RIT2: variants seen among roughly 807,000 people sequenced by gnomAD.
RIT2 encodes the protein Ras like without CAAX 2, also known as GTP-binding protein Rit2.
RIT2 carries 24 observed loss-of-function variants against 23.7 expected under a neutral mutation model. The observed-to-expected ratio is 1.01, with a 90% confidence interval of 0.73 to 1.43. The LOEUF (loss-of-function observed/expected upper bound fraction) is 1.43, where lower values mean the gene tolerates loss of function less well. RIT2 is among the 40% of genes most tolerant of loss of function. The pLI, the probability that RIT2 is intolerant of heterozygous loss-of-function variation, is 0.00. For synonymous variants in RIT2, 107 were observed against 91.1 expected, an observed-to-expected ratio of 1.17 and a Z score of -0.99; for missense variants, 236 against 266.9, an observed-to-expected ratio of 0.88 and a Z score of 0.81.
At chr18:43,074,337 AT>A in intron 1 of RIT2, among the ~76,000 whole-genome samples, 1 of 152,320 alleles carries the variant, frequency 6.6e-6, no homozygotes, top group Middle Eastern at 3.4e-3. Context: ...GTGTTTATAC[AT>A]ACGTGTATGT....
intron 4 of RIT2, among the ~76,000 whole-genome samples, chr18:42,868,637 T>C (rs1449141592): frequency 6.6e-6 from 1 of 152,218 alleles, no homozygotes; most frequent in East Asian, 1.9e-4. Flanking sequence ...TGCTCAACTA[T>C]ATGGAGGTGG....
chr18:42,748,769 G>A (rs1428270540), intron 4 of RIT2, among the ~76,000 whole-genome samples: 2 of 151,958 alleles, frequency 1.3e-5, no homozygotes, highest in Non-Finnish European at 2.9e-5. Flanking sequence ...CAGGGGAAAG[G>A]GAGGTAGGTG....
intron 4 of RIT2, among the ~76,000 whole-genome samples, chr18:42,782,357 C>A (rs1364338238): frequency 6.6e-6 from 1 of 151,978 alleles, no homozygotes; most frequent in Non-Finnish European, 1.5e-5. Flanking sequence ...AATTGTTACA[C>A]CATATAACAG....
At chr18:42,902,446 G>A (rs1271862191) in intron 4 of RIT2, among the ~76,000 whole-genome samples, 1 of 151,550 alleles carries the variant, frequency 6.6e-6, no homozygotes, top group African/African-American at 2.4e-5. Context: ...AAGTTACTGA[G>A]GATGTTCTGT....
rs11082300 is a variant in RIT2, at chr18:42,817,746, A to T, written c.427-74026T>A. On this transcript the variant is annotated intron_variant, in intron 4 of 4. Transcript: ENST00000326695. Reference sequence around the variant, plus strand: ...ATAATTGTGCAACCTAAGACAAACCACATAACTTTTCTGTGCCTCAATTTC... The same window carrying T: ...ATAATTGTGCAACCTAAGACAAACCTCATAACTTTTCTGTGCCTCAATTTC... Among the ~76,000 whole-genome samples, 4 of 151,864 alleles carry T rather than the reference A, an allele frequency of 2.6e-5. No individual in the cohort carries two copies. The South Asian group carries it at 8.3e-4, about 32-fold the overall frequency.
At chr18:42,949,172 C>G (rs1437939004) in intron 3 of RIT2, 11 of 394,374 alleles carry the variant, frequency 2.8e-5, no homozygotes, top group Non-Finnish European at 4.5e-5. Flanking sequence ...CACATATCTT[C>G]CTGCTCCAAA....
At chr18:43,044,781 C>T (rs1408571181) in intron 1 of RIT2, among the ~76,000 whole-genome samples, 1 of 152,226 alleles carries the variant, frequency 6.6e-6, no homozygotes, top group South Asian at 2.1e-4. Flanking sequence ...AGAGCAGCAC[C>T]TTTTGCAATT....
At chr18:42,900,639 AT>A (rs1464923538) in intron 4 of RIT2, among the ~76,000 whole-genome samples, 1 of 152,072 alleles carries the variant, frequency 6.6e-6, no homozygotes, top group South Asian at 2.1e-4. Flanking sequence ...TTAAAAAAAA[AT>A]GTACCCTTAA....
At chr18:42,929,283 C>A (rs1382379004) in intron 3 of RIT2, among the ~76,000 whole-genome samples, 1 of 151,890 alleles carries the variant, frequency 6.6e-6, no homozygotes, top group Non-Finnish European at 1.5e-5. Flanking sequence ...AGATAGCAGA[C>A]AACATCCCCA....
At position 42,857,118 on chromosome 18, in the gene RIT2, C is replaced by T. The variant is rs192779132; in HGVS notation, c.426+66454G>A. On this transcript the variant is annotated intron_variant, in intron 4 of 4. Coordinates refer to ENST00000326695, the MANE Select transcript of RIT2 (RefSeq NM_002930.4). ...TACTGGCGTGAGCCAGCAGGCCCGG[C>T]CAAGACGTTTTTAATTATCCAACTA... is the stretch of plus-strand genomic sequence containing the variant. Among the ~76,000 whole-genome samples, 199 of 127,458 alleles carry T rather than the reference C, an allele frequency of 1.6e-3. 1 individual carries two copies. The highest frequency in any genetic ancestry group is 3.8e-3 in the Middle Eastern group (1 of 262). The allele number at this position is 127,458 out of a possible 152,430, so 83.6% of individuals were successfully genotyped here.
intron 4 of RIT2, among the ~76,000 whole-genome samples, chr18:42,812,978 G>A (rs1905894079): frequency 6.6e-6 from 1 of 152,094 alleles, no homozygotes; most frequent in Non-Finnish European, 1.5e-5. Context: ...ACCATATTCT[G>A]TTTTATTTGT....
intron 1 of RIT2, among the ~76,000 whole-genome samples, chr18:43,056,567 G>T (rs1912507125): frequency 6.6e-6 from 1 of 152,100 alleles, no homozygotes; most frequent in Non-Finnish European, 1.5e-5. Context: ...AGTGTAAGTG[G>T]CGGCACTTAT....
intron 4 of RIT2, among the ~76,000 whole-genome samples, chr18:42,856,805 T>C (rs1268779690): frequency 2.0e-5 from 3 of 151,408 alleles, no homozygotes; most frequent in Non-Finnish European, 4.4e-5. Context: ...CCTTGAGAAG[T>C]CTTTTTCTTT....
At chr18:43,021,323 C>T (rs980664432) in intron 2 of RIT2, among the ~76,000 whole-genome samples, 2 of 151,970 alleles carry the variant, frequency 1.3e-5, no homozygotes, top group African/African-American at 4.8e-5. Flanking sequence ...CAAATTAAAA[C>T]CAAATGAGAT....
intron 4 of RIT2, among the ~76,000 whole-genome samples, chr18:42,830,454 G>A (rs866844949): frequency 5.3e-5 from 8 of 152,300 alleles, no homozygotes; most frequent in Admixed American, 2.6e-4. Context: ...CTTCCTGAGA[G>A]GCTTCACTCA....
At chr18:42,994,583 C>G (rs1412879623) in intron 2 of RIT2, among the ~76,000 whole-genome samples, 1 of 152,088 alleles carries the variant, frequency 6.6e-6, no homozygotes, top group Non-Finnish European at 1.5e-5. Flanking sequence ...CACCCTAGCT[C>G]TCCCTGACTC....
chr18:42,752,236 G>A (rs1277524053), intron 4 of RIT2, among the ~76,000 whole-genome samples: 1 of 152,082 alleles, frequency 6.6e-6, no homozygotes, highest in South Asian at 2.1e-4. Flanking sequence ...ATTACAAGAA[G>A]TAACAGCTTC....
intron 3 of RIT2, among the ~76,000 whole-genome samples, chr18:42,935,739 G>A (rs1275178872): frequency 6.6e-6 from 1 of 152,140 alleles, no homozygotes; most frequent in African/African-American, 2.4e-5. Flanking sequence ...GGAACGAAAT[G>A]GTGAAAGTAG....
intron 1 of RIT2, among the ~76,000 whole-genome samples, chr18:43,062,395 C>G (rs1190958376): frequency 1.3e-5 from 2 of 152,146 alleles, no homozygotes; most frequent in Non-Finnish European, 2.9e-5. Context: ...TCTATACATT[C>G]TACACATTCC....
Sources: gnomAD v4.1 joint callset for allele counts (sites outside exome capture counted in the v4.1 genomes callset) on GRCh38, gnomAD v4.1.1 for gene constraint, MANE v1.5 for transcripts, NCBI Gene and HGNC (gene_info 2026-07-23, HGNC 2026-07-21) for gene names.